The following ANK3 variants were observed in gnomAD, a reference collection of about 807,000 sequenced individuals.
ANK3 encodes ankyrin-3.
ANK3 carries 57 observed loss-of-function variants against 370.9 expected under a neutral mutation model. The ratio of observed to expected loss-of-function variants is 0.15; its 90% CI spans 0.12 to 0.19. The LOEUF (loss-of-function observed/expected upper bound fraction) is 0.19, where lower values mean the gene tolerates loss of function less well. ANK3 is among the 10% of genes least tolerant of loss of function. ANK3 has a pLI of 1.00. For missense variants in ANK3, 4,439 were observed against 5,302.1 expected (o/e 0.84, Z 5.06); for synonymous variants, 1,929 against 1,946.3 (o/e 0.99, Z 0.23).
At chr10:60,536,698 A>G (rs1274568004) in intron 2 of ANK3, among the ~76,000 whole-genome samples, 1 of 152,004 alleles carries the variant, frequency 6.6e-6, no homozygotes, top group African/African-American at 2.4e-5. Flanking sequence ...GGGCTAAGCA[A>G]GATGCATCCA....
intron 7 of ANK3, among the ~76,000 whole-genome samples, chr10:60,235,310 G>C (rs2097311554): frequency 6.6e-6 from 1 of 152,174 alleles, no homozygotes; most frequent in Non-Finnish European, 1.5e-5. Flanking sequence ...TGCCCGTGGT[G>C]CTTAAATGTG....
At chr10:60,569,820 T>C (rs1367327094) in intron 2 of ANK3, among the ~76,000 whole-genome samples, 2 of 152,164 alleles carry the variant, frequency 1.3e-5, no homozygotes, top group African/African-American at 4.8e-5. Context: ...ACACTAAATT[T>C]TGTTTTAAAA....
chr10:60,334,870 TCAAA>T (rs1160021180), intron 1 of ANK3, among the ~76,000 whole-genome samples: 4 of 152,148 alleles, frequency 2.6e-5, no homozygotes, highest in Non-Finnish European at 4.4e-5. Flanking sequence ...TTCATGAACC[TCAAA>T]CAATTATGTG....
chr10:60,731,265 G>C (rs1268928303), intron 1 of ANK3, among the ~76,000 whole-genome samples: 1 of 151,988 alleles, frequency 6.6e-6, no homozygotes. Flanking sequence ...GAAAACCACA[G>C]ATATACATAC....
At chr10:60,663,398 A>G (rs953892848) in intron 1 of ANK3, among the ~76,000 whole-genome samples, 1 of 152,170 alleles carries the variant, frequency 6.6e-6, no homozygotes, top group Non-Finnish European at 1.5e-5. Context: ...TACCTTGACC[A>G]GTGTTACAAG....
At chr10:60,131,480 T>C (rs1186774383) in intron 25 of ANK3, among the ~76,000 whole-genome samples, 1 of 152,236 alleles carries the variant, frequency 6.6e-6, no homozygotes, top group East Asian at 1.9e-4. Context: ...GATGGGTCTA[T>C]AGAAGTGTTC....
intron 2 of ANK3, among the ~76,000 whole-genome samples, chr10:60,493,443 G>A (rs553296323): frequency 6.6e-6 from 1 of 152,166 alleles, no homozygotes; most frequent in Non-Finnish European, 1.5e-5. Context: ...ACAAGAGAAG[G>A]GAAGGAAGAA....
At chr10:60,141,064 G>C (rs1037552316) in intron 23 of ANK3, 1 of 980,544 alleles carries the variant, frequency 1.0e-6, no homozygotes, top group Non-Finnish European at 1.2e-6. Context: ...CAGGTGGAAG[G>C]AGGGGAAAAA....
chr10:60,549,115 ATGAG>A lies in ANK3; in HGVS notation c.96+66067_96+66070del, dbSNP rs544828685. On this transcript the variant is annotated intron_variant, in intron 2 of 43. Transcript: ENST00000373827. ...AAGGTAATCAATAATTGCTACACAA[ATGAG>A]TGAGAGAAGGGCATGTTTCATACAC... Among the ~76,000 whole-genome samples, 11 of 149,268 alleles carry A rather than the reference ATGAG, an allele frequency of 7.4e-5. No homozygotes were observed. In the South Asian group the frequency reaches 1.3e-3, roughly 18 times the overall value.
At position 60,441,545 on chromosome 10, in the gene ANK3, C is replaced by T. The variant is rs1306721018; in HGVS notation, c.97-161906G>A. On this transcript the variant is annotated intron_variant, in intron 2 of 43. Transcript: ENST00000373827. The stretch of plus-strand genomic sequence containing the variant: ...ATGCTGTGTGTAGGTCCTATACATG[C>T]ACAACAGCAATTACATGGCTGGAAT... 2.0e-5 allele frequency among the ~76,000 whole-genome samples: 3 copies of T among 152,136 alleles called. No homozygotes were observed. The East Asian group carries it at 5.8e-4, about 29-fold the overall frequency.
intron 2 of ANK3, among the ~76,000 whole-genome samples, chr10:60,401,286 A>C (rs1405590430): frequency 6.6e-6 from 1 of 152,202 alleles, no homozygotes; most frequent in Non-Finnish European, 1.5e-5. Context: ...CAACATGAAT[A>C]AGCACTAGAG....
chr10:60,689,819 G>C (rs888260520), intron 1 of ANK3, among the ~76,000 whole-genome samples: 2 of 151,116 alleles, frequency 1.3e-5, no homozygotes, highest in Middle Eastern at 3.5e-3. Context: ...ATAGATTTTA[G>C]ATTTATATAG....
intron 1 of ANK3, among the ~76,000 whole-genome samples, chr10:60,642,851 C>T (rs1446986458): frequency 6.6e-6 from 1 of 152,008 alleles, no homozygotes; most frequent in Non-Finnish European, 1.5e-5. Flanking sequence ...TAATAATTTA[C>T]AATGTGCATG....
intron 7 of ANK3, among the ~76,000 whole-genome samples, chr10:60,241,542 T>C (rs1342582047): frequency 1.3e-5 from 2 of 152,156 alleles, no homozygotes; most frequent in Non-Finnish European, 2.9e-5. Context: ...GTCACAGAGC[T>C]TGGTGCTTGG....
At chr10:60,324,967 T>A (rs2049478785) in intron 1 of ANK3, among the ~76,000 whole-genome samples, 1 of 152,230 alleles carries the variant, frequency 6.6e-6, no homozygotes, top group African/African-American at 2.4e-5. Context: ...CATATTCATA[T>A]CCTAGGCTGC....
rs558112260 is a variant in ANK3, at chr10:60,225,540, T to C, written c.897+9148A>G. Among the ~76,000 whole-genome samples, 385 of 152,274 alleles carry C rather than the reference T, an allele frequency of 2.5e-3. 2 individuals carry two copies. Among genetic ancestry groups the C allele is most frequent in the Middle Eastern group, 0.01 (3 of 294 alleles). ...TCCCTTGGAAGGACTGGGTTCCTTC[T>C]ACTATGCCAAGCAACCTCTTCAAAA... On this transcript the variant is annotated intron_variant, in intron 8 of 43. Transcript: ENST00000280772.
intron 8 of ANK3, among the ~76,000 whole-genome samples, chr10:60,215,119 T>C (rs2096916430): frequency 6.6e-6 from 1 of 152,228 alleles, no homozygotes; most frequent in African/African-American, 2.4e-5. Flanking sequence ...TCACTGATGT[T>C]GAACTTTTTT....
chr10:60,186,884 G>C lies in ANK3; in HGVS notation c.1916C>G (p.Ala639Gly), dbSNP rs1026211007. Residue 639 changes from alanine (A) to glycine (G), a missense_variant, in exon 17 of 44, where the codon GCC becomes GGC. Physicochemically the swap from Ala to Gly is moderately conservative, Grantham distance 60. Coordinates refer to ENST00000280772, the MANE Select transcript of ANK3 (RefSeq NM_020987.5). ...CGCTATGTCCATCTGGTTCTTTTTG[G>C]CAGCGATGTGCAGTGGCGTATAACC... ...KNGYTPLHIA[A>G]KKNQMDIATT... 2.5e-6 allele frequency: 4 copies of C among 1,613,934 alleles called. No individual in the cohort carries two copies. The African/African-American group carries it at 5.3e-5, about 22-fold the overall frequency.
intron 1 of ANK3, among the ~76,000 whole-genome samples, chr10:60,668,418 G>T (rs1284436107): frequency 6.6e-6 from 1 of 151,354 alleles, no homozygotes; most frequent in Non-Finnish European, 1.5e-5. Flanking sequence ...AATCCACAGA[G>T]GCCATCCGAC....
Sources: gnomAD v4.1 joint callset for allele counts (sites outside exome capture counted in the v4.1 genomes callset) on GRCh38, gnomAD v4.1.1 for gene constraint, MANE v1.5 for transcripts, NCBI Gene and HGNC (gene_info 2026-07-23, HGNC 2026-07-21) for gene names.